Variants in KEAP1 observed in about 807,000 individuals in gnomAD.
KEAP1 encodes the protein kelch-like ECH-associated protein 1.
KEAP1 carries 26 observed loss-of-function variants against 59.7 expected under a neutral mutation model. That is an observed-to-expected ratio of 0.44 (90% CI 0.32 to 0.60). The LOEUF is 0.60. Ranked by LOEUF, KEAP1 falls within the 20% of genes least tolerant of loss-of-function variation. KEAP1 has a pLI of 0.06. For synonymous variants in KEAP1, 350 were observed against 358.3 expected (o/e 0.98, Z 0.26); for missense variants, 539 against 871.4 (o/e 0.62, Z 4.80).
chr19:10,489,686 C>T lies in KEAP1; in HGVS notation c.1493G>A (p.Arg498Gln), dbSNP rs1281598803. The change falls in exon 4 of 6, where the codon CGA becomes CAA. Residue 498 changes from arginine (R) to glutamine (Q), a missense_variant. Arg to Gln is a conservative substitution (Grantham distance 43). Around this residue, in one of 4 missense-constraint regions of KEAP1, gnomAD observed 311 missense variants for 425.2 expected, o/e 0.73. Transcript: ENST00000171111. ...ECYYPERNEW[R>Q]MITAMNTIRS... ...GATGGTGTTCATTGCTGTGATCATT[C>T]GCCACTCGTTCCTCTCTGGGTAGTA... 9.9e-6 allele frequency: 16 copies of T among 1,613,768 alleles called. 1 individual carries two copies. In the Middle Eastern group the frequency reaches 4.9e-4, roughly 50 times the overall value.
At chr19:10,501,623 C>A (rs560529895) in intron 1 of KEAP1, among the ~76,000 whole-genome samples, 1 of 152,190 alleles carries the variant, frequency 6.6e-6, no homozygotes, top group Admixed American at 6.5e-5. Flanking sequence ...GAACAAGACT[C>A]CATCTCAAAT....
intron 2 of KEAP1, among the ~76,000 whole-genome samples, chr19:10,493,453 C>T (rs1005147292): frequency 2.2e-4 from 33 of 151,302 alleles, no homozygotes; most frequent in Admixed American, 7.9e-4. Context: ...TGAGCCACCG[C>T]GCCCGGCCAT....
At position 10,489,345 on chromosome 19, in the gene KEAP1, T is replaced by C. The variant is rs1476402998; in HGVS notation, c.1555A>G (p.Ile519Val). The C allele has an allele frequency of 1.9e-6, 3 of 1,613,928 alleles. No individual in the cohort carries two copies. The highest frequency in any genetic ancestry group is 1.7e-5 in the Admixed American group (1 of 59,980). Residue 519 changes from isoleucine to valine, a missense_variant, in exon 5 of 6, where the codon ATC becomes GTC. Coordinates refer to ENST00000171111, the MANE Select transcript of KEAP1 (RefSeq NM_203500.2). Reference sequence around the variant, plus strand: ...CCATCATAGCCCCCAGCAGCATAGATACAGTTGTGCAGGACGCAGACGCCT... The same window carrying C: ...CCATCATAGCCCCCAGCAGCATAGACACAGTTGTGCAGGACGCAGACGCCT... ...GAGVCVLHNCIYAAGGYDGQD... is the reference protein window; with the variant it reads ...GAGVCVLHNCVYAAGGYDGQD...
rs762888681 is a variant in KEAP1 at position 10,491,912 on chromosome 19, G to T, written c.990C>A (p.Thr330=). Residue 330 remains threonine (T), a synonymous_variant, in exon 3 of 6, where the codon ACC becomes ACA. Transcript: ENST00000171111. The surrounding 1 kb of genome is among the most constrained non-coding windows in gnomAD (Gnocchi z 5.2). ...GCGACTGTCGGAAGTAGCCGCCCGCGGTGTAGATCAGGCGGCCCACCTTGG... is the reference window on the plus strand; with the variant it reads ...GCGACTGTCGGAAGTAGCCGCCCGCTGTGTAGATCAGGCGGCCCACCTTGG... ...RAPKVGRLIY[T]AGGYFRQSLS... The T allele has an allele frequency of 6.2e-7, 1 of 1,613,512 alleles. No individual in the cohort carries two copies. The highest frequency in any genetic ancestry group is 8.5e-7 in the Non-Finnish European group (1 of 1,179,838).
intron 5 of KEAP1, among the ~76,000 whole-genome samples, chr19:10,487,219 G>A (rs905353161): frequency 1.4e-4 from 22 of 152,090 alleles, no homozygotes; most frequent in African/African-American, 5.1e-4. Flanking sequence ...GGTGGTGCGC[G>A]CCTGTAGTCC....
At chr19:10,487,060 A>T (rs1449549025) in intron 5 of KEAP1, among the ~76,000 whole-genome samples, 1 of 119,106 alleles carries the variant, frequency 8.4e-6, no homozygotes, top group Admixed American at 8.4e-5. Flanking sequence ...AAAAAAAAAA[A>T]TGGCCAGGCT....
Position 10,491,487 on chromosome 19 carries a change from A to G in KEAP1, c.1325+90T>C. ...CACTCCCTGAAGACAGGAAGAGGAA[A>G]CAGCCTCAGGAAGAATACCCGGATC... On this transcript the variant is annotated intron_variant, in intron 3 of 5. Transcript: ENST00000171111. The surrounding 1 kb of genome is among the most constrained non-coding windows in gnomAD (Gnocchi z 5.2). 3.5e-6 allele frequency: 4 copies of G among 1,154,564 alleles called. No individual in the cohort carries two copies. The highest frequency in any genetic ancestry group is 4.7e-6 in the Non-Finnish European group (4 of 854,036). The allele number at this position is 1,154,564 out of a possible 1,614,324, so 71.5% of individuals were successfully genotyped here. A position where few individuals can be genotyped will look rare whatever the true frequency, so the allele number is the denominator to read the frequency against.
chr19:10,494,982 A>G (rs1409513915), intron 2 of KEAP1, among the ~76,000 whole-genome samples: 1 of 149,302 alleles, frequency 6.7e-6, no homozygotes, highest in African/African-American at 2.5e-5. Context: ...TTTTTGAGAC[A>G]GAGTCTCACT....
chr19:10,491,585 A>C lies in KEAP1; in HGVS notation c.1317T>G (p.Ser439Arg), dbSNP rs2144596152. ...CAGGCCCTGCCACTCACCTCTCCAC[A>C]CTGTTGTGGTGGATGCAGCCGTGGG... The part of the protein sequence containing the change: ...GGSHGCIHHN[S>R]VERYEPERDE... The change falls in exon 3 of 6, where the codon AGT (serine) becomes AGG (arginine). Residue 439 changes from serine (S) to arginine (R), a missense_variant. Coordinates refer to ENST00000171111, the MANE Select transcript of KEAP1 (RefSeq NM_203500.2). This position sits in a 1 kb window ranked among gnomAD's most constrained non-coding sequence, Gnocchi z 5.2. 3 of 1,543,102 alleles carry C rather than the reference A, an allele frequency of 1.9e-6. No individual in the cohort carries two copies. Among genetic ancestry groups the C allele is most frequent in the Non-Finnish European group, 1.7e-6 (2 of 1,146,400 alleles).
chr19:10,486,502 G>C lies in KEAP1; in HGVS notation c.*150C>G. On this transcript the variant is annotated 3_prime_UTR_variant, in exon 6 of 6. Coordinates refer to ENST00000171111, the MANE Select transcript of KEAP1 (RefSeq NM_203500.2). ...ATGATTCCCGCTTTGGACTTCTTTT[G>C]AGATGTCATTTTAACACTGAGGCAT... is the stretch of plus-strand genomic sequence containing the variant. 1 of 791,138 alleles carries C rather than the reference G, an allele frequency of 1.3e-6. No individual in the cohort carries two copies. Among genetic ancestry groups the C allele is most frequent in the South Asian group, 1.7e-5 (1 of 60,238 alleles). The allele number at this position is 791,138 out of a possible 1,614,324, so 49.0% of individuals were successfully genotyped here.
rs2144603135 is a variant in KEAP1, at chr19:10,492,080, G to A, written c.822C>T (p.His274=). 6.2e-7 allele frequency: 1 copy of A among 1,613,998 alleles called. No homozygotes were observed. The highest frequency in any genetic ancestry group is 8.5e-7 in the Non-Finnish European group (1 of 1,180,048). The change falls in exon 3 of 6, where the codon CAC becomes CAT. Residue 274 remains histidine (H), a synonymous_variant. Coordinates refer to ENST00000171111, the MANE Select transcript of KEAP1 (RefSeq NM_203500.2). ...TCTGCAGGAAGTTCGGCGTCAACGA[G>A]TGGCAGCGCACGGCCCGCAGCAGCG... The part of the protein sequence containing the change: ...VQALLRAVRC[H]SLTPNFLQMQ...
intron 1 of KEAP1, among the ~76,000 whole-genome samples, chr19:10,500,587 CAT>C (rs1915008320): frequency 6.6e-6 from 1 of 151,914 alleles, no homozygotes; most frequent in Non-Finnish European, 1.5e-5. Flanking sequence ...GAGGAGCAAT[CAT>C]AAACTAAAAT....
chr19:10,492,728 G>GAA (rs887698496), intron 2 of KEAP1: 5 of 133,528 alleles, frequency 3.7e-5, no homozygotes, highest in Non-Finnish European at 6.4e-5. Context: ...CTGTCTCAAA[G>GAA]AAAAAAAAAA....
In KEAP1 at chr19:10,489,308, A is replaced by T. The variant is rs2144587158; in HGVS notation, c.1592T>A (p.Leu531Gln). ...AAGGYDGQDQ[L>Q]NSVERYDVET... ...CACATCGTAGCGCTCCACGCTGTTC[A>T]GCTGGTCCTGACCATCATAGCCCCC... Residue 531 changes from leucine (L) to glutamine (Q), a missense_variant, in exon 5 of 6, where the codon CTG (leucine) becomes CAG (glutamine). Physicochemically the swap from Leu to Gln is moderately radical, Grantham distance 113 (BLOSUM62 -2). Coordinates refer to ENST00000171111, the MANE Select transcript of KEAP1 (RefSeq NM_203500.2). 2 of 1,614,030 alleles carry T rather than the reference A, an allele frequency of 1.2e-6. No homozygotes were observed. The highest frequency in any genetic ancestry group is 1.7e-6 in the Non-Finnish European group (2 of 1,179,996).
chr19:10,489,366 C>T lies in KEAP1; in HGVS notation c.1534G>A (p.Val512Ile), dbSNP rs148641376. ...TAGATACAGTTGTGCAGGACGCAGA[C>T]GCCTAAAGGGCACCATGCAGAGAAG... The part of the protein sequence containing the change: ...AMNTIRSGAG[V>I]CVLHNCIYAA... The change falls in exon 5 of 6, where the codon GTC becomes ATC. Residue 512 changes from valine to isoleucine, a missense_variant and splice_region_variant. Transcript: ENST00000171111. The T allele has an allele frequency of 8.7e-5, 141 of 1,611,476 alleles. 3 individuals are homozygous for T. In the Middle Eastern group the frequency reaches 1.2e-3, roughly 13 times the overall value.
intron 5 of KEAP1, among the ~76,000 whole-genome samples, chr19:10,488,951 C>T (rs542719609): frequency 4.6e-5 from 7 of 151,602 alleles, no homozygotes; most frequent in East Asian, 1.9e-4. Context: ...AAACATTAGC[C>T]GGGTGTGGTG....
intron 2 of KEAP1, among the ~76,000 whole-genome samples, chr19:10,496,193 A>G (rs1027461313): frequency 8.4e-5 from 10 of 119,354 alleles, no homozygotes; most frequent in African/African-American, 4.1e-4. Flanking sequence ...TGTCTCTAAA[A>G]AAAGAAAAAA....
chr19:10,493,640 C>A (rs1458875757), intron 2 of KEAP1, among the ~76,000 whole-genome samples: 5 of 146,438 alleles, frequency 3.4e-5, no homozygotes, highest in Non-Finnish European at 7.4e-5. Context: ...CGGCTCACTG[C>A]AAGCTCCACC....
At chr19:10,489,525 G>T in intron 4 of KEAP1, 123 bp downstream of exon 4, 2 of 1,285,384 alleles carry the variant, frequency 1.6e-6, no homozygotes, top group East Asian at 2.4e-5. Context: ...CAGAATCCAG[G>T]GCTTCTGTGG....
Sources: allele counts gnomAD v4.1 joint callset (sites outside exome capture counted in the v4.1 genomes callset), GRCh38; gene constraint gnomAD v4.1.1; regional missense constraint gnomAD v4.1.1; non-coding constraint Gnocchi (gnomAD v3.1); transcripts MANE v1.5; gene names NCBI Gene and HGNC (gene_info 2026-07-23, HGNC 2026-07-21).